Variants in THOC2 observed in about 807,000 individuals in gnomAD.
THOC2 encodes THO complex 2.
Under a neutral mutation model 128.4 loss-of-function variants are expected in THOC2, and 10 were observed. The ratio of observed to expected loss-of-function variants is 0.08; its 90% CI spans 0.05 to 0.13. THOC2 has a LOEUF of 0.13. Among genes scored for constraint, THOC2 ranks in the 10% least tolerant of loss-of-function variants. The probability of loss-of-function intolerance (pLI) is 1.00; values close to 1 mark genes in which losing one functional copy is unlikely to be tolerated. For missense variants in THOC2, 535 were observed against 1,155.7 expected, an observed-to-expected ratio of 0.46 and a Z score of 7.79; for synonymous variants, 393 against 396.9, an observed-to-expected ratio of 0.99 and a Z score of 0.12.
At chrX:123,663,478 A>G (rs1054669493) in intron 12 of THOC2, among the ~76,000 whole-genome samples, 1 of 110,452 alleles carries the variant, frequency 9.1e-6, no homozygotes, top group Non-Finnish European at 1.9e-5. Flanking sequence ...TGCATTTGTC[A>G]AAACTCATAA....
At chrX:123,667,436 T>A (rs1406609377) in intron 10 of THOC2, among the ~76,000 whole-genome samples, 158 bp from the exon 11 acceptor site, 1 of 112,030 alleles carries the variant, frequency 8.9e-6, no homozygotes, top group Non-Finnish European at 1.9e-5. Flanking sequence ...TCAAAATTTT[T>A]AGCTATTGAA....
chrX:123,610,985 A>G (rs757768287), intron 37 of THOC2, 22 bp from the exon 38 acceptor site: 1 of 1,204,638 alleles, frequency 8.3e-7, no homozygotes, highest in Non-Finnish European at 1.1e-6. Context: ...ATTAAGGGAA[A>G]ACAACTTTTG....
At chrX:123,730,597 A>G (rs1022646764) in intron 1 of THOC2, among the ~76,000 whole-genome samples, 3 of 112,202 alleles carry the variant, frequency 2.7e-5, no homozygotes, top group South Asian at 3.6e-4. Context: ...TCGATCTCCT[A>G]CATCACTTTT....
rs185559662 is a variant in THOC2, at chrX:123,695,980, T to A, written c.601+41A>T. 181 of 921,570 alleles carry A rather than the reference T, an allele frequency of 2.0e-4. No individual in the cohort carries two copies. The African/African-American group carries it at 3.3e-3, about 17-fold the overall frequency. 75.9% of individuals were successfully genotyped at this position (921,570 alleles called of 1,213,427 possible). Reference sequence around the variant, plus strand: ...ATATTCTCCAATAGCTAAAATAACTTGTTATCTTAACAACACATACTATAC... The same window carrying A: ...ATATTCTCCAATAGCTAAAATAACTAGTTATCTTAACAACACATACTATAC... On this transcript the variant is annotated intron_variant, in intron 7 of 38. Coordinates refer to ENST00000245838, the MANE Select transcript of THOC2 (RefSeq NM_001081550.2).
chrX:123,653,260 C>A (rs1452861278), intron 12 of THOC2, among the ~76,000 whole-genome samples: 1 of 111,891 alleles, frequency 8.9e-6, no homozygotes, highest in Non-Finnish European at 1.9e-5. Context: ...ACACCATATA[C>A]AACAATTAAC....
chrX:123,703,725 CAAA>C (rs761049104), intron 3 of THOC2, among the ~76,000 whole-genome samples: 9 of 29,780 alleles, frequency 3.0e-4, no homozygotes, highest in Non-Finnish European at 3.8e-4. Context: ...CCATCTCTAC[CAAA>C]AAAAAAAAAA....
At chrX:123,692,736 A>G (rs2050277064) in intron 7 of THOC2, among the ~76,000 whole-genome samples, 1 of 110,844 alleles carries the variant, frequency 9.0e-6, no homozygotes, top group Non-Finnish European at 1.9e-5. Flanking sequence ...TCCAGACCTC[A>G]GGTGATCTGC....
At chrX:123,638,771 C>CAT (rs2047789397) in intron 17 of THOC2, among the ~76,000 whole-genome samples, 163 bp downstream of exon 17, 1 of 98,638 alleles carries the variant, frequency 1.0e-5, no homozygotes, top group South Asian at 4.3e-4. Context: ...CTCTCACATA[C>CAT]ACACACACAC....
In THOC2 at chrX:123,644,667, C is replaced by T; in HGVS notation, c.1569G>A (p.Leu523=). The change falls in exon 15 of 39, where the codon CTG becomes CTA. Residue 523 remains leucine (L), a synonymous_variant. Coordinates refer to ENST00000245838, the MANE Select transcript of THOC2 (RefSeq NM_001081550.2). ...KTFPYQHRYR[L]YGQWKNETYN... The stretch of plus-strand genomic sequence containing the variant: ...AAGTTTCATTCTTCCACTGGCCATA[C>T]AGACGATATCTTAAAAAACGATGAG... The T allele has an allele frequency of 8.4e-7, 1 of 1,195,396 alleles. No homozygotes were observed. The highest frequency in any genetic ancestry group is 1.1e-6 in the Non-Finnish European group (1 of 886,835).
intron 19 of THOC2, 22 bp from the exon 20 acceptor site, chrX:123,634,092 A>G (rs2047583576): frequency 1.1e-6 from 1 of 940,564 alleles, no homozygotes; most frequent in Admixed American, 2.4e-5. Context: ...GAAAAAAGAA[A>G]CAGTCTATAG....
At chrX:123,625,850 A>G in intron 25 of THOC2, 62 bp downstream of exon 25, 1 of 1,095,465 alleles carries the variant, frequency 9.1e-7, no homozygotes, top group Non-Finnish European at 1.2e-6. Context: ...TAATACCTCT[A>G]TAAATTATAA....
At chrX:123,604,211 CACAG>C (rs770856456) in intron 38 of THOC2, among the ~76,000 whole-genome samples, 2 of 112,003 alleles carry the variant, frequency 1.8e-5, no homozygotes, top group African/African-American at 6.5e-5. Flanking sequence ...TGTTCTCCAT[CACAG>C]ACACCTATTG....
chrX:123,606,518 CA>C (rs1018014751), intron 38 of THOC2, among the ~76,000 whole-genome samples: 1 of 111,128 alleles, frequency 9.0e-6, no homozygotes, highest in African/African-American at 3.3e-5. Context: ...CGCTTGAACC[CA>C]GGGGGTAGAG....
At chrX:123,706,459 G>A (rs769786105) in intron 3 of THOC2, among the ~76,000 whole-genome samples, 2 of 108,887 alleles carry the variant, frequency 1.8e-5, no homozygotes, top group Non-Finnish European at 3.8e-5. Context: ...CTGTGTTGGT[G>A]TGCTGCACCC....
At chrX:123,643,311 T>C (rs2048000668) in intron 15 of THOC2, among the ~76,000 whole-genome samples, 1 of 111,483 alleles carries the variant, frequency 9.0e-6, no homozygotes, top group African/African-American at 3.3e-5. Context: ...CACCATGCCA[T>C]AAAGCTTAAC....
At chrX:123,732,694 A>G (rs758635707) in intron 1 of THOC2, among the ~76,000 whole-genome samples, 21 of 112,079 alleles carry the variant, frequency 1.9e-4, no homozygotes, top group African/African-American at 6.1e-4. Context: ...GGGCGGAATA[A>G]GAGTTCTACT....
chrX:123,685,988 T>TC (rs1395228894), intron 8 of THOC2, among the ~76,000 whole-genome samples: 8 of 110,797 alleles, frequency 7.2e-5, no homozygotes, highest in African/African-American at 2.6e-4. Context: ...GGACCAGGAG[T>TC]CTGAGACTAG....
At chrX:123,695,956 T>C in intron 7 of THOC2, 65 bp downstream of exon 7, 1 of 791,608 alleles carries the variant, frequency 1.3e-6, no homozygotes, top group Non-Finnish European at 1.7e-6. Context: ...TCTTTATGGA[T>C]ATTCTCCAAT....
chrX:123,614,294 A>G, intron 33 of THOC2, 105 bp from the exon 34 acceptor site: 1 of 656,062 alleles, frequency 1.5e-6, no homozygotes, highest in Non-Finnish European at 2.1e-6. Flanking sequence ...CCCAAAGTAA[A>G]AACTGGTCAG....
Sources: allele counts gnomAD v4.1 joint callset (sites outside exome capture counted in the v4.1 genomes callset), GRCh38; gene constraint gnomAD v4.1.1; transcripts MANE v1.5; gene names NCBI Gene and HGNC (gene_info 2026-07-23, HGNC 2026-07-21).